The following NELL1 variants were observed in gnomAD, a reference collection of about 807,000 sequenced individuals.
NELL1 encodes the protein neural EGFL like 1.
NELL1 carries 76 observed loss-of-function variants against 107.4 expected under a neutral mutation model. The observed-to-expected ratio is 0.71, with a 90% confidence interval of 0.59 to 0.86. The LOEUF is 0.86. NELL1 is among the 40% of genes least tolerant of loss of function. The pLI is 0.00. For synonymous variants in NELL1, 353 were observed against 341.2 expected (o/e 1.03, Z -0.38); for missense variants, 1,024 against 1,005.5 (o/e 1.02, Z -0.25).
chr11:20,986,656 C>T (rs1022628730), intron 12 of NELL1, among the ~76,000 whole-genome samples: 3 of 152,064 alleles, frequency 2.0e-5, no homozygotes, highest in Non-Finnish European at 4.4e-5. Flanking sequence ...ACACAGCATC[C>T]TTCCCGTATT....
intron 12 of NELL1, among the ~76,000 whole-genome samples, chr11:21,051,686 G>T (rs1853496858): frequency 6.6e-6 from 1 of 152,040 alleles, no homozygotes; most frequent in South Asian, 2.1e-4. Flanking sequence ...AGTGGTGGGG[G>T]ATAAGGAAGT....
intron 5 of NELL1, among the ~76,000 whole-genome samples, chr11:20,896,200 G>C (rs1422233902): frequency 6.6e-6 from 1 of 152,052 alleles, no homozygotes; most frequent in Non-Finnish European, 1.5e-5. Flanking sequence ...TGCCCTCATA[G>C]CTTAGCTCCC....
chr11:20,718,383 T>C (rs1855301726), intron 2 of NELL1, among the ~76,000 whole-genome samples: 1 of 152,078 alleles, frequency 6.6e-6, no homozygotes, highest in African/African-American at 2.4e-5. Flanking sequence ...TTTTAAAAGA[T>C]GAAATGGCAT....
chr11:21,299,748 T>C (rs1017973956), intron 14 of NELL1, among the ~76,000 whole-genome samples: 8 of 151,970 alleles, frequency 5.3e-5, no homozygotes, highest in Admixed American at 3.9e-4. Context: ...ATAGGAGCCA[T>C]AGATAATATG....
At chr11:20,821,577 G>T (rs1857754452) in intron 3 of NELL1, among the ~76,000 whole-genome samples, 1 of 152,318 alleles carries the variant, frequency 6.6e-6, no homozygotes, top group Non-Finnish European at 1.5e-5. Flanking sequence ...GACTTGTTAT[G>T]ATTATAATAT....
intron 5 of NELL1, among the ~76,000 whole-genome samples, chr11:20,899,786 CA>C (rs1215348886): frequency 6.6e-6 from 1 of 151,928 alleles, no homozygotes; most frequent in Non-Finnish European, 1.5e-5. Context: ...ATAAATGCTG[CA>C]AAAATTAAAA....
At chr11:21,028,452 A>C (rs1298950643) in intron 12 of NELL1, among the ~76,000 whole-genome samples, 2 of 152,168 alleles carry the variant, frequency 1.3e-5, no homozygotes, top group African/African-American at 4.8e-5. Flanking sequence ...CATGCTGAAG[A>C]CCTAAATTGG....
At chr11:21,323,406 A>G (rs918957535) in intron 14 of NELL1, among the ~76,000 whole-genome samples, 1 of 152,164 alleles carries the variant, frequency 6.6e-6, no homozygotes, top group Non-Finnish European at 1.5e-5. Context: ...CATTTAGCCA[A>G]ATCTACATGA....
chr11:21,030,117 T>A (rs979445240), intron 12 of NELL1, among the ~76,000 whole-genome samples: 3 of 152,158 alleles, frequency 2.0e-5, no homozygotes, highest in Non-Finnish European at 4.4e-5. Context: ...AGCTTGTGAA[T>A]TGAACTTTAA....
intron 15 of NELL1, among the ~76,000 whole-genome samples, chr11:21,480,332 G>T (rs748821461): frequency 5.3e-5 from 8 of 152,084 alleles, no homozygotes; most frequent in Non-Finnish European, 1.0e-4. Context: ...TTGTCTCTCT[G>T]TTCTTATTCA....
chr11:21,358,985 T>C (rs1274310464), intron 14 of NELL1, among the ~76,000 whole-genome samples: 1 of 152,108 alleles, frequency 6.6e-6, no homozygotes, highest in Non-Finnish European at 1.5e-5. Flanking sequence ...TCTTGTTTGA[T>C]TGGTCTAGCT....
At chr11:20,742,428 C>T (rs1225388215) in intron 2 of NELL1, among the ~76,000 whole-genome samples, 1 of 152,106 alleles carries the variant, frequency 6.6e-6, no homozygotes, top group Non-Finnish European at 1.5e-5. Flanking sequence ...TCATTACCTC[C>T]CCTTATAGCA....
chr11:21,224,388 C>G (rs575153307), intron 13 of NELL1, among the ~76,000 whole-genome samples: 18 of 138,684 alleles, frequency 1.3e-4, no homozygotes, highest in Admixed American at 2.2e-4. Context: ...TGCCACCATA[C>G]CCAGATTTTT....
At chr11:21,089,063 T>A (rs1396468445) in intron 12 of NELL1, among the ~76,000 whole-genome samples, 1 of 152,150 alleles carries the variant, frequency 6.6e-6, no homozygotes, top group East Asian at 1.9e-4. Flanking sequence ...TGGCCCCTCA[T>A]GAATGGGGGA....
chr11:20,888,516 T>C (rs1020892115), intron 5 of NELL1, among the ~76,000 whole-genome samples: 3 of 151,832 alleles, frequency 2.0e-5, no homozygotes, highest in Non-Finnish European at 4.4e-5. Flanking sequence ...AAATTCCAGA[T>C]AGTAAACAGA....
intron 12 of NELL1, among the ~76,000 whole-genome samples, chr11:21,092,538 A>AATG (rs1356494937): frequency 1.3e-5 from 2 of 152,092 alleles, no homozygotes; most frequent in African/African-American, 4.8e-5. Context: ...CTAAAATGAT[A>AATG]ATGATGATGA....
rs375263928 is a variant in NELL1 at position 20,915,718 on chromosome 11, T to TATATATATATATATA, written c.604-2464_604-2463insATATATATATATATA. On this transcript the variant is annotated intron_variant, in intron 5 of 19. Coordinates refer to ENST00000357134, the MANE Select transcript of NELL1 (RefSeq NM_006157.5). The stretch of plus-strand genomic sequence containing the variant: ...CATAGATGATATATATATATATATA[T>TATATATATATATATA]TTTTTTTTTTTTTTTTTGAGAGGAA... Among the ~76,000 whole-genome samples the TATATATATATATATA allele has an allele frequency of 7.1e-3, 346 of 49,044 alleles. 2 individuals are homozygous for TATATATATATATATA. The highest frequency in any genetic ancestry group is 0.026 in the Middle Eastern group (2 of 78). 32.2% of individuals were successfully genotyped at this position (49,044 alleles called of 152,430 possible).
intron 12 of NELL1, among the ~76,000 whole-genome samples, chr11:21,050,353 A>G (rs544741567): frequency 9.9e-5 from 15 of 152,128 alleles, no homozygotes; most frequent in Non-Finnish European, 1.9e-4. Flanking sequence ...GACAATCTGA[A>G]TAGAGATTAC....
intron 3 of NELL1, among the ~76,000 whole-genome samples, chr11:20,836,724 A>G (rs922019882): frequency 1.3e-5 from 2 of 152,084 alleles, no homozygotes; most frequent in African/African-American, 4.8e-5. Context: ...TTCCATTTAT[A>G]TGACACTCTG....
Sources: gnomAD v4.1 joint callset for allele counts (sites outside exome capture counted in the v4.1 genomes callset) on GRCh38, gnomAD v4.1.1 for gene constraint, MANE v1.5 for transcripts, NCBI Gene and HGNC (gene_info 2026-07-23, HGNC 2026-07-21) for gene names.